RALY: variants seen among roughly 807,000 people sequenced by gnomAD.
RALY encodes the protein RALY heterogeneous nuclear ribonucleoprotein.
Under a neutral mutation model 30.7 loss-of-function variants are expected in RALY, and 15 were observed. The ratio of observed to expected loss-of-function variants is 0.49; its 90% confidence interval spans 0.33 to 0.75. RALY has a LOEUF of 0.75. Among genes scored for constraint, RALY ranks in the 30% least tolerant of loss-of-function variants. The pLI is 0.02. For synonymous variants in RALY, 177 were observed against 170.8 expected, an observed-to-expected ratio of 1.04 and a Z score of -0.28; for missense variants, 339 against 414.3, an observed-to-expected ratio of 0.82 and a Z score of 1.58.
At chr20:34,023,013 C>T (rs1421592940) in intron 1 of RALY, among the ~76,000 whole-genome samples, 4 of 152,156 alleles carry the variant, frequency 2.6e-5, no homozygotes, top group Non-Finnish European at 5.9e-5. Flanking sequence ...CAGGAACTGG[C>T]AGTCAGTCTG....
chr20:34,004,233 G>A (rs1241325413), intron 1 of RALY, among the ~76,000 whole-genome samples: 2 of 152,186 alleles, frequency 1.3e-5, no homozygotes, highest in Admixed American at 1.3e-4. Flanking sequence ...GAGTATTTGT[G>A]CTGGACTTTG....
rs558171504 is a variant in RALY, at chr20:34,071,467, C to T, written c.-9-599C>T. Among the ~76,000 whole-genome samples the T allele has an allele frequency of 9.9e-5, 15 of 151,878 alleles. No individual in the cohort carries two copies. In the East Asian group the frequency reaches 1.2e-3, roughly 12 times the overall value. ...TAATTTTTTGTATTTTTAGTAGAGA[C>T]GGGGTTTCGCCATGTTGGCCAGGCT... On this transcript the variant is annotated intron_variant, in intron 2 of 9. Coordinates refer to ENST00000246194, the MANE Select transcript of RALY (RefSeq NM_016732.3).
At position 34,076,773 on chromosome 20, in the gene RALY, A is replaced by G. The variant is rs1388292035; in HGVS notation, c.616A>G (p.Ser206Gly). 1 of 1,614,036 alleles carries G rather than the reference A, an allele frequency of 6.2e-7. No homozygotes were observed. The highest frequency in any genetic ancestry group is 2.2e-5 in the East Asian group (1 of 44,888). Residue 206 changes from serine (S) to glycine (G), a missense_variant, in exon 7 of 10, where the codon AGC becomes GGC. Transcript: ENST00000246194. Reference protein sequence around the residue: ...QIKSNIDALLSRLEQIAAEQK... With the variant: ...QIKSNIDALLGRLEQIAAEQK... ...CAAGTCCAATATCGATGCCCTGCTG[A>G]GCCGCTTGGAGCAGATCGCTGCGGA...
chr20:34,004,845 C>T (rs1159951233), intron 1 of RALY, among the ~76,000 whole-genome samples: 1 of 152,176 alleles, frequency 6.6e-6, no homozygotes, highest in Non-Finnish European at 1.5e-5. Context: ...TATATTTGCT[C>T]AGGGAAAAAT....
At position 34,083,756 on chromosome 20, in the gene RALY, G is replaced by A. The variant is rs1046990469; in HGVS notation, c.*3851G>A. ...AGGTTGACCCGTAAGGTCATAACCT[G>A]CCCCATAGGATGTTATATGCAGTAG... On this transcript the variant is annotated 3_prime_UTR_variant, in exon 10 of 10. Transcript: ENST00000246194. The A allele has an allele frequency of 6.6e-6, 1 of 152,240 alleles. No homozygotes were observed. The highest frequency in any genetic ancestry group is 1.5e-5 in the Non-Finnish European group (1 of 68,056). 9.4% of individuals were successfully genotyped at this position (152,240 alleles called of 1,614,324 possible).
intron 1 of RALY, among the ~76,000 whole-genome samples, chr20:34,014,574 G>A (rs566988292): frequency 6.6e-6 from 1 of 152,178 alleles, no homozygotes; most frequent in Non-Finnish European, 1.5e-5. Flanking sequence ...ATGTTTAACT[G>A]GAGTTGTTGT....
At position 34,076,941 on chromosome 20, in the gene RALY, C is replaced by T. The variant is rs1031159238; in HGVS notation, c.659-87C>T. ...TCCTGGACCACCTGCACTCACCATG[C>T]TGAGGCCAGCTTCCGCTAAGGTGCT... On this transcript the variant is annotated intron_variant, in intron 7 of 9. Coordinates refer to ENST00000246194, the MANE Select transcript of RALY (RefSeq NM_016732.3). The T allele has an allele frequency of 6.9e-6, 11 of 1,603,418 alleles. No individual in the cohort carries two copies. In the South Asian group the frequency reaches 1.1e-4, roughly 16 times the overall value.
In RALY at chr20:34,077,126, A is replaced by C. The variant is rs982630045; in HGVS notation, c.757A>C (p.Ser253Arg). 2.5e-6 allele frequency: 4 copies of C among 1,608,702 alleles called. No individual in the cohort carries two copies. Among genetic ancestry groups the C allele is most frequent in the Non-Finnish European group, 3.4e-6 (4 of 1,177,714 alleles). ...GSGGGGGGGS[S>R]RPPAPQENTT... ...TGGTGGTGGCGGTGGCGGTGGCAGC[A>C]GCCGGCCACCAGCCCCCCAAGAGAA... The change falls in exon 8 of 10, where the codon AGC (serine) becomes CGC (arginine). Residue 253 changes from serine (S) to arginine (R), a missense_variant. Coordinates refer to ENST00000246194, the MANE Select transcript of RALY (RefSeq NM_016732.3).
In RALY at chr20:34,072,145, T is replaced by A; in HGVS notation, c.71T>A (p.Phe24Tyr). ...CCCAAGTCCATCAACTCTCGAGTCT[T>A]CATTGGAAACCTCAACACAGCTCTG... ...NDPKSINSRVFIGNLNTALVK... is the reference protein window; with the variant it reads ...NDPKSINSRVYIGNLNTALVK... Residue 24 changes from phenylalanine to tyrosine, a missense_variant, in exon 3 of 10, where the codon TTC (phenylalanine) becomes TAC (tyrosine). By Grantham distance (22) the Phe-to-Tyr change is conservative. Around this residue, in one of 2 missense-constraint regions of RALY, gnomAD observed 71 missense variants for 133.7 expected, o/e 0.53. Coordinates refer to ENST00000246194, the MANE Select transcript of RALY (RefSeq NM_016732.3). 6.2e-7 allele frequency: 1 copy of A among 1,614,234 alleles called. No individual in the cohort carries two copies.
At position 34,073,847 on chromosome 20, in the gene RALY, C is replaced by T. The variant is rs1328305275; in HGVS notation, c.358C>T (p.Arg120Trp). 22 of 1,613,944 alleles carry T rather than the reference C, an allele frequency of 1.4e-5. No individual in the cohort carries two copies. Among genetic ancestry groups the T allele is most frequent in the African/African-American group, 4.0e-5 (3 of 74,874 alleles). The change falls in exon 5 of 10, where the codon CGG becomes TGG. Residue 120 changes from arginine to tryptophan, a missense_variant. Arg to Trp is a moderately radical substitution (Grantham distance 101). Transcript: ENST00000246194. Reference protein sequence around the residue: ...SGYIFDYDYYRDDFYDRLFDY... With the variant: ...SGYIFDYDYYWDDFYDRLFDY... ...CTACATCTTTGACTATGATTACTACCGGGACGACTTCTACGACAGGTGAGC... is the reference window on the plus strand; with the variant it reads ...CTACATCTTTGACTATGATTACTACTGGGACGACTTCTACGACAGGTGAGC...
intron 1 of RALY, among the ~76,000 whole-genome samples, chr20:34,003,641 T>G (rs901419967): frequency 1.4e-5 from 2 of 143,388 alleles, no homozygotes; most frequent in Non-Finnish European, 3.0e-5. Flanking sequence ...ACAGTTTTTT[T>G]TTTTTTTTTT....
At chr20:34,049,715 T>C (rs1234335642) in intron 2 of RALY, among the ~76,000 whole-genome samples, 1 of 152,154 alleles carries the variant, frequency 6.6e-6, no homozygotes, top group Non-Finnish European at 1.5e-5. Context: ...TGCAATCTTA[T>C]GACTTAGGAA....
chr20:34,062,554 G>A (rs1347969364), intron 2 of RALY, among the ~76,000 whole-genome samples: 1 of 152,194 alleles, frequency 6.6e-6, no homozygotes, highest in African/African-American at 2.4e-5. Flanking sequence ...GTTGGGCCTG[G>A]GCCTATGGCA....
chr20:34,006,400 C>T (rs1277554890), intron 1 of RALY, among the ~76,000 whole-genome samples: 1 of 152,198 alleles, frequency 6.6e-6, no homozygotes, highest in East Asian at 1.9e-4. Context: ...AACAGTTCCT[C>T]AGTAAAATCA....
intron 2 of RALY, among the ~76,000 whole-genome samples, chr20:34,053,961 G>A (rs1245692763): frequency 6.6e-6 from 1 of 152,132 alleles, no homozygotes; most frequent in Non-Finnish European, 1.5e-5. Flanking sequence ...AGTAGTCTCT[G>A]GGCTGCAGAC....
At chr20:34,078,665 A>G in intron 9 of RALY, 112 bp downstream of exon 9, 1 of 1,004,842 alleles carries the variant, frequency 1.0e-6, no homozygotes, top group Non-Finnish European at 1.4e-6. Flanking sequence ...GCCAAGTAGC[A>G]CTGACTATAC....
intron 1 of RALY, chr20:34,017,711 A>G (rs552995758): frequency 6.6e-6 from 1 of 152,334 alleles, no homozygotes; most frequent in African/African-American, 2.4e-5. Flanking sequence ...GAGGGAAGGG[A>G]TTCATAACTG....
At chr20:34,044,881 T>TGGG in intron 2 of RALY, among the ~76,000 whole-genome samples, 1 of 152,202 alleles carries the variant, frequency 6.6e-6, no homozygotes, top group East Asian at 1.9e-4. Flanking sequence ...GATACAGTAA[T>TGGG]GAACAAAACA....
At chr20:34,077,435 C>T in intron 8 of RALY, 190 bp downstream of exon 8, 1 of 1,327,824 alleles carries the variant, frequency 7.5e-7, no homozygotes, top group Non-Finnish European at 1.0e-6. Flanking sequence ...CAGACACCAT[C>T]AGAAGTCCCA....
Sources: allele counts gnomAD v4.1 joint callset (sites outside exome capture counted in the v4.1 genomes callset), GRCh38; gene constraint gnomAD v4.1.1; regional missense constraint gnomAD v4.1.1; transcripts MANE v1.5; gene names NCBI Gene and HGNC (gene_info 2026-07-23, HGNC 2026-07-21).